Variants in FNDC3A observed in about 807,000 individuals in gnomAD.
The protein encoded by FNDC3A is fibronectin type-III domain-containing protein 3A.
Under a neutral mutation model 148.9 loss-of-function variants are expected in FNDC3A, and 32 were observed. The ratio of observed to expected loss-of-function variants is 0.21; its 90% CI spans 0.16 to 0.29. FNDC3A has a LOEUF of 0.29. FNDC3A is among the 10% of genes least tolerant of loss of function. The pLI, the probability that FNDC3A is intolerant of heterozygous loss-of-function variation, is 1.00. For missense variants in FNDC3A, 1,191 were observed against 1,452.8 expected (o/e 0.82, Z 2.93); for synonymous variants, 472 against 473.6 (o/e 1.00, Z 0.04).
At chr13:49,122,928 GTAATT>G (rs1391414501) in intron 4 of FNDC3A, among the ~76,000 whole-genome samples, 2 of 152,124 alleles carry the variant, frequency 1.3e-5, no homozygotes, top group Non-Finnish European at 2.9e-5. Flanking sequence ...ACTGCCCAAA[GTAATT>G]TATAGATTCA....
intron 1 of FNDC3A, among the ~76,000 whole-genome samples, chr13:49,000,046 T>G (rs1312761009): frequency 6.6e-6 from 1 of 152,244 alleles, no homozygotes; most frequent in Admixed American, 6.5e-5. Context: ...CTCTTTACTC[T>G]GTTGATTGTG....
intron 7 of FNDC3A, among the ~76,000 whole-genome samples, chr13:49,140,850 G>A (rs1882648769): frequency 6.6e-6 from 1 of 152,166 alleles, no homozygotes; most frequent in Non-Finnish European, 1.5e-5. Context: ...GTAATAGGAG[G>A]ACTAAACCTT....
chr13:48,992,745 A>G (rs941369252), intron 1 of FNDC3A, among the ~76,000 whole-genome samples: 7 of 152,200 alleles, frequency 4.6e-5, no homozygotes, highest in Admixed American at 1.3e-4. Flanking sequence ...TCAAAAATCA[A>G]GAGTAGTTGA....
chr13:49,188,052 G>A (rs1566316340), intron 16 of FNDC3A, among the ~76,000 whole-genome samples: 1 of 152,118 alleles, frequency 6.6e-6, no homozygotes, highest in Admixed American at 6.5e-5. Context: ...AGTTTTAGTA[G>A]TAAGTTTTAT....
intron 1 of FNDC3A, among the ~76,000 whole-genome samples, chr13:48,999,446 A>C (rs911651886): frequency 6.6e-6 from 1 of 152,118 alleles, no homozygotes; most frequent in African/African-American, 2.4e-5. Flanking sequence ...CTGGAAAGGA[A>C]TTTTGCCTCA....
At chr13:49,160,613 A>C (rs1228753764) in intron 8 of FNDC3A, among the ~76,000 whole-genome samples, 3 of 151,272 alleles carry the variant, frequency 2.0e-5, no homozygotes, top group African/African-American at 7.3e-5. Context: ...TTGTGTCTCT[A>C]TCCCCTTCAG....
intron 16 of FNDC3A, chr13:49,187,664 C>A (rs928961000): frequency 4.4e-6 from 7 of 1,589,246 alleles, no homozygotes; most frequent in Non-Finnish European, 6.0e-6. Context: ...ATGCTCTGGC[C>A]CAACGTAGCG....
At chr13:48,985,454 A>G (rs994224688) in intron 1 of FNDC3A, among the ~76,000 whole-genome samples, 6 of 152,206 alleles carry the variant, frequency 3.9e-5, no homozygotes, top group African/African-American at 9.6e-5. Flanking sequence ...TGATTATTCC[A>G]TGCAGAGGAG....
At chr13:49,006,381 T>G in intron 2 of FNDC3A, 92 bp downstream of exon 2, 1 of 550,262 alleles carries the variant, frequency 1.8e-6, no homozygotes, top group Non-Finnish European at 3.2e-6. Flanking sequence ...TTCCTGTTAA[T>G]TCGTGTTTTA....
chr13:49,151,592 A>G (rs1883300577), intron 8 of FNDC3A, among the ~76,000 whole-genome samples: 1 of 151,942 alleles, frequency 6.6e-6, no homozygotes, highest in Non-Finnish European at 1.5e-5. Context: ...TATTATTATT[A>G]TACTTTAAGT....
chr13:49,076,927 C>A (rs1309419935), intron 3 of FNDC3A, among the ~76,000 whole-genome samples: 1 of 152,082 alleles, frequency 6.6e-6, no homozygotes, highest in East Asian at 1.9e-4. Flanking sequence ...TCTTTGTATC[C>A]CCTTCAATTC....
chr13:48,984,030 C>A (rs1426278719), intron 1 of FNDC3A, among the ~76,000 whole-genome samples: 1 of 152,030 alleles, frequency 6.6e-6, no homozygotes, highest in Non-Finnish European at 1.5e-5. Flanking sequence ...TTTCAGTAAG[C>A]TGATTGGCTA....
At chr13:49,133,337 A>G (rs912548371) in intron 5 of FNDC3A, among the ~76,000 whole-genome samples, 2 of 152,242 alleles carry the variant, frequency 1.3e-5, no homozygotes, top group African/African-American at 4.8e-5. Flanking sequence ...ACTATAAGAA[A>G]AAGCTAGTAT....
chr13:49,076,071 A>C (rs1339203885), intron 3 of FNDC3A, among the ~76,000 whole-genome samples: 1 of 151,888 alleles, frequency 6.6e-6, no homozygotes, highest in Non-Finnish European at 1.5e-5. Flanking sequence ...GATATCCCCA[A>C]ATATTCCCTG....
chr13:49,185,350 G>A (rs1406683316), intron 14 of FNDC3A, among the ~76,000 whole-genome samples: 1 of 152,136 alleles, frequency 6.6e-6, no homozygotes, highest in Non-Finnish European at 1.5e-5. Context: ...GTCTCTATGA[G>A]GTTGTAATCA....
intron 7 of FNDC3A, among the ~76,000 whole-genome samples, chr13:49,140,014 G>C (rs1882598999): frequency 6.6e-6 from 1 of 152,192 alleles, no homozygotes; most frequent in South Asian, 2.1e-4. Flanking sequence ...AATGCTAGTA[G>C]CATTTACTTG....
intron 14 of FNDC3A, among the ~76,000 whole-genome samples, chr13:49,182,741 A>G (rs1373607965): frequency 1.3e-5 from 2 of 152,052 alleles, no homozygotes; most frequent in Non-Finnish European, 2.9e-5. Flanking sequence ...CTTGAAATTC[A>G]TTTATGTCAG....
chr13:49,169,987 T>C (rs553407001), intron 10 of FNDC3A, among the ~76,000 whole-genome samples: 2 of 152,332 alleles, frequency 1.3e-5, no homozygotes, highest in South Asian at 4.1e-4. Context: ...TTGTTGTTTA[T>C]ATAGGTTAAG....
intron 4 of FNDC3A, among the ~76,000 whole-genome samples, chr13:49,121,512 A>G (rs1318098851): frequency 6.6e-6 from 1 of 152,232 alleles, no homozygotes; most frequent in African/African-American, 2.4e-5. Context: ...GAGCTGAAGG[A>G]GATAGAGACA....
Sources: allele counts gnomAD v4.1 joint callset (sites outside exome capture counted in the v4.1 genomes callset), GRCh38; gene constraint gnomAD v4.1.1; transcripts MANE v1.5; gene names NCBI Gene and HGNC (gene_info 2026-07-23, HGNC 2026-07-21).